The following ZNF800 variants were observed in gnomAD, a reference collection of about 807,000 sequenced individuals.
ZNF800 encodes the protein zinc finger protein 800.
In ZNF800, 13 loss-of-function variants were observed where a neutral mutation model predicts 59.5. The ratio of observed to expected loss-of-function variants is 0.22; its 90% CI spans 0.14 to 0.35. The LOEUF (loss-of-function observed/expected upper bound fraction) is 0.35. Among genes scored for constraint, ZNF800 ranks in the 10% least tolerant of loss-of-function variants. The pLI is 1.00. For missense variants in ZNF800, 621 were observed against 783.7 expected (o/e 0.79, Z 2.48); for synonymous variants, 266 against 265.7 (o/e 1.00, Z -0.01).
chr7:127,380,247 T>G (rs1800934919), intron 3 of ZNF800, among the ~76,000 whole-genome samples: 2 of 152,158 alleles, frequency 1.3e-5, no homozygotes, highest in South Asian at 4.1e-4. Flanking sequence ...ACTGGAAGAT[T>G]AGAACAGAGA....
intron 1 of ZNF800, among the ~76,000 whole-genome samples, chr7:127,356,281 G>C (rs945357243): frequency 4.7e-5 from 7 of 147,422 alleles, no homozygotes; most frequent in African/African-American, 1.7e-4. Flanking sequence ...ATGTGTGTGT[G>C]AGAGAGAGAG....
intron 1 of ZNF800, chr7:127,363,048 G>T (rs1481755782): frequency 1.3e-5 from 2 of 152,104 alleles, no homozygotes; most frequent in East Asian, 3.9e-4. Context: ...AGAAGTTAAG[G>T]CATTTGCCAG....
rs1285311425 is a variant in ZNF800 at position 127,374,052 on chromosome 7, C to A, written c.1284G>T (p.Gln428His). The change falls in exon 5 of 6, where the codon CAG becomes CAT. Residue 428 changes from glutamine (Q) to histidine (H), a missense_variant. Physicochemically the swap from Gln to His is conservative, Grantham distance 24. Transcript: ENST00000265827. ...AATGATTTGTTCCCTTTAATTCATT[C>A]TGTGGAGAATGGGTAATGGAAGGGG... ...SSPPSITHSPQNELKGTNHSN... is the reference protein window; with the variant it reads ...SSPPSITHSPHNELKGTNHSN... 1.9e-6 allele frequency: 3 copies of A among 1,613,792 alleles called. No homozygotes were observed. The highest frequency in any genetic ancestry group is 3.3e-5 in the Admixed American group (2 of 59,910).
chr7:127,373,362 T>C lies in ZNF800; in HGVS notation c.1974A>G (p.Thr658=). Reference sequence around the variant, plus strand: ...CTCACCAGACAAGAGCCTTAGATCTTGTACTTCGGCCTTTGGTTTTGTTTC... The same window carrying C: ...CTCACCAGACAAGAGCCTTAGATCTCGTACTTCGGCCTTTGGTTTTGTTTC... ...PEGNKTKGRS[T]RSKALV is the part of the protein sequence containing the mutation. Residue 658 remains threonine (T), a synonymous_variant, in exon 5 of 6, where the codon ACA becomes ACG. Transcript: ENST00000265827. 1 of 1,605,496 alleles carries C rather than the reference T, an allele frequency of 6.2e-7. No homozygotes were observed. Among genetic ancestry groups the C allele is most frequent in the Non-Finnish European group, 8.5e-7 (1 of 1,175,536 alleles).
Position 127,391,721 on chromosome 7 carries a change from G to A in ZNF800, c.-58-106C>T, listed in dbSNP as rs1444998664. The A allele has an allele frequency of 9.2e-6, 6 of 654,752 alleles. No individual in the cohort carries two copies. In the East Asian group the frequency reaches 1.6e-4, roughly 18 times the overall value. 40.6% of individuals were successfully genotyped at this position (654,752 alleles called of 1,614,324 possible). On this transcript the variant is annotated intron_variant, in intron 1 of 5. Transcript: ENST00000265827. ...CATCAGCTCTCCGCTTTCCCTCCAC[G>A]GACCCGCACCTCCCTCTCGAAAAGA...
Position 127,374,299 on chromosome 7 carries a change from T to G in ZNF800, c.1037A>C (p.Gln346Pro), listed in dbSNP as rs561316296. 7 of 1,613,078 alleles carry G rather than the reference T, an allele frequency of 4.3e-6. No individual in the cohort carries two copies. The African/African-American group carries it at 8.0e-5, about 18-fold the overall frequency. ...GTATTCAGCCTTTGAAGAAGACTTT[T>G]GTTTTCGAGTCTTAAAAGATTTTTT... Reference protein sequence around the residue: ...SPKKSFKTRKQKSSSKAEYNL... With the variant: ...SPKKSFKTRKPKSSSKAEYNL... The change falls in exon 5 of 6, where the codon CAA (glutamine) becomes CCA (proline). Residue 346 changes from glutamine (Q) to proline (P), a missense_variant. Around this residue, in one of 7 missense-constraint regions of ZNF800, gnomAD observed 185 missense variants for 177.6 expected, o/e 1.04. Coordinates refer to ENST00000265827, the MANE Select transcript of ZNF800 (RefSeq NM_176814.5).
chr7:127,392,341 G>C lies in ZNF800; in HGVS notation c.-340C>G, dbSNP rs1386772637. ...GTGTGGCTAGGCGGGAGGCGCGCGG[G>C]CGGAGGCAGTTGACAGGAGGAACCG... On this transcript the variant is annotated 5_prime_UTR_variant, in exon 1 of 6. Transcript: ENST00000265827. 2.6e-6 allele frequency: 1 copy of C among 383,628 alleles called. No individual in the cohort carries two copies. The highest frequency in any genetic ancestry group is 4.6e-6 in the Non-Finnish European group (1 of 216,732). The allele number at this position is 383,628 out of a possible 1,614,324, so 23.8% of individuals were successfully genotyped here. A position where few individuals can be genotyped will look rare whatever the true frequency, so the allele number is the denominator to read the frequency against.
At chr7:127,343,962 C>T (rs545236285), downstream of ZNF800, among the ~76,000 whole-genome samples, 75 of 152,038 alleles carry the variant, frequency 4.9e-4, no homozygotes, top group Non-Finnish European at 7.5e-4. Flanking sequence ...AACCATCAAA[C>T]CACATCTTTA....
At chr7:127,352,161 A>C (rs933565744) in intron 1 of ZNF800, among the ~76,000 whole-genome samples, 1 of 152,242 alleles carries the variant, frequency 6.6e-6, no homozygotes, top group Non-Finnish European at 1.5e-5. Context: ...AAAATGTAAA[A>C]GATGGATCAC....
downstream of ZNF800, among the ~76,000 whole-genome samples, chr7:127,366,163 G>A (rs987591129): frequency 1.1e-4 from 16 of 152,174 alleles, no homozygotes; most frequent in African/African-American, 3.4e-4. Flanking sequence ...TAAAAAATCC[G>A]TGCTTTAACC....
chr7:127,389,750 A>G (rs1272090402), intron 2 of ZNF800, among the ~76,000 whole-genome samples: 1 of 152,182 alleles, frequency 6.6e-6, no homozygotes, highest in Admixed American at 6.5e-5. Context: ...CTGCATGGAA[A>G]AAGTTTCTAG....
In ZNF800 at chr7:127,392,168, C is replaced by G. The variant is rs1801350767; in HGVS notation, c.-167G>C. On this transcript the variant is annotated 5_prime_UTR_variant, in exon 1 of 6. Coordinates refer to ENST00000265827, the MANE Select transcript of ZNF800 (RefSeq NM_176814.5). ...GGCTGCGGGCCCCACCTGGCGCAGC[C>G]TCCGCTGACCACGCGGGGGAACCCG... is the stretch of plus-strand genomic sequence containing the variant. 2.5e-6 allele frequency: 1 copy of G among 394,704 alleles called. No individual in the cohort carries two copies. The highest frequency in any genetic ancestry group is 4.5e-6 in the Non-Finnish European group (1 of 223,558). 24.5% of individuals were successfully genotyped at this position (394,704 alleles called of 1,614,324 possible).
chr7:127,383,401 T>C (rs934592786), intron 3 of ZNF800, among the ~76,000 whole-genome samples: 1 of 152,212 alleles, frequency 6.6e-6, no homozygotes, highest in Non-Finnish European at 1.5e-5. Context: ...CAGGGTTCTA[T>C]CTTCAAATAT....
chr7:127,359,995 A>T (rs1800364516), intron 1 of ZNF800: 2 of 151,980 alleles, frequency 1.3e-5, no homozygotes, highest in African/African-American at 4.8e-5. Context: ...TGGATCACAC[A>T]CCATCAGCAC....
intron 3 of ZNF800, among the ~76,000 whole-genome samples, chr7:127,379,856 C>CCCA (rs1562907509): frequency 1.4e-5 from 1 of 70,856 alleles, no homozygotes; most frequent in African/African-American, 5.5e-5. Flanking sequence ...CCCCCCACCC[C>CCCA]CCCCACACAC....
intron 2 of ZNF800, among the ~76,000 whole-genome samples, chr7:127,390,404 G>A (rs1012778424): frequency 7.9e-5 from 12 of 152,182 alleles, no homozygotes; most frequent in Non-Finnish European, 1.8e-4. Flanking sequence ...TATTAGTACA[G>A]GTAAGTTATT....
chr7:127,382,152 A>T (rs1387369850), intron 3 of ZNF800, among the ~76,000 whole-genome samples: 1 of 152,172 alleles, frequency 6.6e-6, no homozygotes, highest in Non-Finnish European at 1.5e-5. Flanking sequence ...TTACAATATT[A>T]TATATTTCAA....
intron 2 of ZNF800, among the ~76,000 whole-genome samples, chr7:127,387,421 C>T (rs908705947): frequency 1.4e-4 from 21 of 152,294 alleles, no homozygotes; most frequent in South Asian, 1.2e-3. Context: ...TTTCTGATAG[C>T]GGGGCTAAAC....
At chr7:127,387,559 C>T (rs181751611) in intron 2 of ZNF800, among the ~76,000 whole-genome samples, 11 of 152,186 alleles carry the variant, frequency 7.2e-5, no homozygotes, top group African/African-American at 1.2e-4. Context: ...GCAAAATTTC[C>T]CCAATTTTAA....
Sources: allele counts gnomAD v4.1 joint callset (sites outside exome capture counted in the v4.1 genomes callset), GRCh38; gene constraint gnomAD v4.1.1; regional missense constraint gnomAD v4.1.1; transcripts MANE v1.5; gene names NCBI Gene and HGNC (gene_info 2026-07-23, HGNC 2026-07-21).